SYNE2: variants seen among roughly 807,000 people sequenced by gnomAD.
SYNE2 encodes the protein spectrin repeat containing nuclear envelope protein 2.
Under a neutral mutation model 856.3 loss-of-function variants are expected in SYNE2, and 431 were observed. That is an observed-to-expected ratio of 0.50 (90% CI 0.47 to 0.55). The LOEUF (loss-of-function observed/expected upper bound fraction) is 0.55. Among genes scored for constraint, SYNE2 ranks in the 20% least tolerant of loss-of-function variants. The pLI is 0.00. For synonymous variants in SYNE2, 2,923 were observed against 2,872.3 expected, an observed-to-expected ratio of 1.02 and a Z score of -0.56; for missense variants, 8,129 against 8,023.2, an observed-to-expected ratio of 1.01 and a Z score of -0.50.
chr14:64,053,106 ATGAC>A lies in SYNE2; in HGVS notation c.9197_9200del (p.Thr3066LysfsTer2). ...AGCTATTGATTTGCAAATTAAGAAA[ATGAC>A]TGAAGTAGTACTAAAAGCTCCTGAT... On this transcript the variant is annotated frameshift_variant, in exon 48 of 116. Transcript: ENST00000555002. LOFTEE classifies it high-confidence loss of function. 1 of 1,614,070 alleles carries A rather than the reference ATGAC, an allele frequency of 6.2e-7. No individual in the cohort carries two copies. The highest frequency in any genetic ancestry group is 8.5e-7 in the Non-Finnish European group (1 of 1,180,022).
intron 1 of SYNE2, among the ~76,000 whole-genome samples, chr14:63,839,937 G>A (rs114639688): frequency 6.6e-6 from 1 of 152,240 alleles, no homozygotes; most frequent in African/African-American, 2.4e-5. Context: ...TAAGCTTGCT[G>A]AAGAAAAGAT....
chr14:64,081,590 C>T lies in SYNE2; in HGVS notation c.11484+10C>T. 1 of 1,613,756 alleles carries T rather than the reference C, an allele frequency of 6.2e-7. No homozygotes were observed. The highest frequency in any genetic ancestry group is 8.5e-7 in the Non-Finnish European group (1 of 1,179,940). ...TGCTAGCACTGTGCAGGTAAGTGTT[C>T]TTCCAGGTTTTCTGCCACTCATAGC... On this transcript the variant is annotated intron_variant, in intron 57 of 115. Coordinates refer to ENST00000555002, the MANE Select transcript of SYNE2 (RefSeq NM_182914.3).
At chr14:63,990,692 C>G in intron 20 of SYNE2, 123 bp downstream of exon 20, 1 of 917,960 alleles carries the variant, frequency 1.1e-6, no homozygotes, top group East Asian at 2.6e-5. Context: ...ATTACTTTTG[C>G]ATTATGTTTT....
At chr14:64,071,465 G>A (rs1202299883) in intron 52 of SYNE2, among the ~76,000 whole-genome samples, 1 of 152,100 alleles carries the variant, frequency 6.6e-6, no homozygotes, top group Non-Finnish European at 1.5e-5. Flanking sequence ...CTGCACTCCA[G>A]CCTGGGTGAC....
intron 45 of SYNE2, among the ~76,000 whole-genome samples, chr14:64,033,740 G>C (rs527244537): frequency 6.6e-6 from 1 of 152,198 alleles, no homozygotes; most frequent in South Asian, 2.1e-4. Flanking sequence ...AATTAATCTT[G>C]AATGATAAGA....
At chr14:64,031,992 T>G (rs1198936067) in intron 45 of SYNE2, among the ~76,000 whole-genome samples, 2 of 152,176 alleles carry the variant, frequency 1.3e-5, no homozygotes, top group Non-Finnish European at 2.9e-5. Flanking sequence ...AAACTGTATT[T>G]GAGAGGATCT....
chr14:63,907,185 T>C (rs2095418849), intron 1 of SYNE2, among the ~76,000 whole-genome samples: 1 of 152,248 alleles, frequency 6.6e-6, no homozygotes, highest in Non-Finnish European at 1.5e-5. Flanking sequence ...AGGATTTTGC[T>C]TAATATTCTG....
At chr14:64,180,974 C>A (rs892254473) in intron 96 of SYNE2, among the ~76,000 whole-genome samples, 1 of 152,080 alleles carries the variant, frequency 6.6e-6, no homozygotes. Context: ...TTATGTTTAA[C>A]CATCTTGTTA....
At chr14:63,904,940 T>G (rs1455679304) in intron 1 of SYNE2, among the ~76,000 whole-genome samples, 4 of 152,164 alleles carry the variant, frequency 2.6e-5, no homozygotes, top group African/African-American at 9.7e-5. Flanking sequence ...TAGTTTGAGG[T>G]CTTACATTTA....
At chr14:63,969,015 C>G (rs2096436924) in intron 11 of SYNE2, among the ~76,000 whole-genome samples, 1 of 152,264 alleles carries the variant, frequency 6.6e-6, no homozygotes, top group African/African-American at 2.4e-5. Flanking sequence ...AATCATCCTT[C>G]TACTGTCTGT....
chr14:64,133,403 T>C (rs932093404), intron 77 of SYNE2, among the ~76,000 whole-genome samples: 1 of 152,156 alleles, frequency 6.6e-6, no homozygotes, highest in African/African-American at 2.4e-5. Context: ...TGAATAGATA[T>C]GGAAAAGAGT....
In SYNE2 at chr14:64,022,504, G is replaced by A. The variant is rs563943682; in HGVS notation, c.5525-247G>A. Among the ~76,000 whole-genome samples, 18 of 152,072 alleles carry A rather than the reference G, an allele frequency of 1.2e-4. No individual in the cohort carries two copies. In the South Asian group the frequency reaches 1.5e-3, roughly 12 times the overall value. On this transcript the variant is annotated intron_variant, in intron 37 of 115. Transcript: ENST00000555002. ...TTCTAGCACTTTGGGAGGCCAAGGCGGGTGGATTGCTTGAGCTCAAGAGTT... is the reference window on the plus strand; with the variant it reads ...TTCTAGCACTTTGGGAGGCCAAGGCAGGTGGATTGCTTGAGCTCAAGAGTT...
intron 99 of SYNE2, among the ~76,000 whole-genome samples, chr14:64,199,168 G>A (rs2098551448): frequency 6.6e-6 from 1 of 152,194 alleles, no homozygotes; most frequent in Non-Finnish European, 1.5e-5. Context: ...CTACCCCTCA[G>A]TGTATCCTGA....
intron 1 of SYNE2, among the ~76,000 whole-genome samples, chr14:63,865,722 C>A (rs190267722): frequency 1.6e-4 from 18 of 112,190 alleles, no homozygotes; most frequent in Non-Finnish European, 2.3e-4. Context: ...CCACCCCCCC[C>A]CCAAAAAAAA....
intron 2 of SYNE2, among the ~76,000 whole-genome samples, chr14:63,920,022 A>G (rs1355354358): frequency 8.4e-6 from 1 of 119,024 alleles, no homozygotes; most frequent in African/African-American, 4.1e-5. Context: ...ATTTCTTGTT[A>G]CGCTTTTCTT....
At chr14:64,114,655 T>A (rs1177021016) in intron 66 of SYNE2, among the ~76,000 whole-genome samples, 2 of 151,438 alleles carry the variant, frequency 1.3e-5, no homozygotes, top group Non-Finnish European at 2.9e-5. Context: ...TCTCACCCTG[T>A]CACCCAAGCT....
At chr14:64,152,509 TATTA>T (rs1205734394) in intron 84 of SYNE2, 51 bp from the exon 85 acceptor site, 6 of 1,583,482 alleles carry the variant, frequency 3.8e-6, no homozygotes, top group African/African-American at 2.7e-5. Flanking sequence ...TCTGACACCT[TATTA>T]ATTGTTTTGT....
chr14:64,108,561 A>G lies in SYNE2; in HGVS notation c.12609+954A>G, dbSNP rs370253878. On this transcript the variant is annotated intron_variant, in intron 65 of 115. Transcript: ENST00000555002. ...ACCTAAAGCTCCAAGGGTCTCATCA[A>G]ATAGCTCCTATAAAAGATATTGGCA... Among the ~76,000 whole-genome samples, 5 of 152,276 alleles carry G rather than the reference A, an allele frequency of 3.3e-5. No homozygotes were observed. In the East Asian group the frequency reaches 5.8e-4, roughly 18 times the overall value.
At chr14:64,142,893 G>T (rs746419898) in intron 82 of SYNE2, among the ~76,000 whole-genome samples, 2 of 152,180 alleles carry the variant, frequency 1.3e-5, no homozygotes, top group Non-Finnish European at 2.9e-5. Flanking sequence ...AACGTGTATT[G>T]TGTGCTCAGC....
Sources: gnomAD v4.1 joint callset for allele counts (sites outside exome capture counted in the v4.1 genomes callset) on GRCh38, gnomAD v4.1.1 for gene constraint, MANE v1.5 for transcripts, NCBI Gene and HGNC (gene_info 2026-07-23, HGNC 2026-07-21) for gene names.